Variants in CSMD2 observed in about 807,000 individuals in gnomAD.
CSMD2 encodes the protein CUB and Sushi multiple domains 2.
CSMD2 carries 130 observed loss-of-function variants against 398.5 expected under a neutral mutation model. The observed-to-expected ratio is 0.33, with a 90% CI of 0.28 to 0.38. The LOEUF (loss-of-function observed/expected upper bound fraction) is 0.38, where lower values mean the gene tolerates loss of function less well. CSMD2 is among the 10% of genes least tolerant of loss of function. The pLI, the probability that CSMD2 is intolerant of heterozygous loss-of-function variation, is 1.00. For missense variants in CSMD2, 3,829 were observed against 4,764.9 expected (o/e 0.80, Z 5.78); for synonymous variants, 1,828 against 1,908.5 (o/e 0.96, Z 1.10).
chr1:33,524,788 C>T, intron 66 of CSMD2, 94 bp downstream of exon 66: 1 of 1,300,424 alleles, frequency 7.7e-7, no homozygotes, highest in Non-Finnish European at 1.1e-6. Context: ...CTGAGCCTTG[C>T]ATGACAGTAT....
intron 44 of CSMD2, among the ~76,000 whole-genome samples, chr1:33,594,808 T>C (rs528825600): frequency 9.2e-5 from 14 of 152,358 alleles, no homozygotes; most frequent in African/African-American, 3.4e-4. Context: ...CGCTATTTTG[T>C]TTCTTTTCAG....
At chr1:34,066,665 C>T (rs1022823173) in intron 2 of CSMD2, among the ~76,000 whole-genome samples, 3 of 152,082 alleles carry the variant, frequency 2.0e-5, no homozygotes, top group African/African-American at 7.2e-5. Flanking sequence ...CTTGCCCTAG[C>T]CTAGGGAGGC....
chr1:33,682,372 T>A (rs1571210281), intron 25 of CSMD2, among the ~76,000 whole-genome samples: 1 of 152,312 alleles, frequency 6.6e-6, no homozygotes, highest in East Asian at 1.9e-4. Context: ...GTTCCACGCA[T>A]TGGAACCTCA....
At chr1:33,932,940 T>A (rs1052321577) in intron 4 of CSMD2, among the ~76,000 whole-genome samples, 6 of 152,118 alleles carry the variant, frequency 3.9e-5, no homozygotes, top group Non-Finnish European at 7.4e-5. Flanking sequence ...TGGAAGAGGC[T>A]GGAGAAAGAA....
chr1:34,031,225 G>C (rs188339556), intron 3 of CSMD2, among the ~76,000 whole-genome samples: 1 of 152,080 alleles, frequency 6.6e-6, no homozygotes, highest in African/African-American at 2.4e-5. Context: ...ACCATGCCCG[G>C]CTAATTTTTG....
chr1:34,006,850 C>T (rs1647072724), intron 3 of CSMD2, among the ~76,000 whole-genome samples: 1 of 151,994 alleles, frequency 6.6e-6, no homozygotes, highest in African/African-American at 2.4e-5. Context: ...ACAGTAAAGG[C>T]CCCCAAGGAG....
chr1:33,749,014 T>C (rs1369070426), intron 13 of CSMD2, among the ~76,000 whole-genome samples: 3 of 149,128 alleles, frequency 2.0e-5, no homozygotes, highest in African/African-American at 7.4e-5. Context: ...AAATCCATAA[T>C]CACTTAAAAA....
At chr1:34,141,532 T>C (rs930494208) in intron 1 of CSMD2, among the ~76,000 whole-genome samples, 2 of 152,160 alleles carry the variant, frequency 1.3e-5, no homozygotes, top group Non-Finnish European at 2.9e-5. Flanking sequence ...CTGGGCCTTG[T>C]GGCTACCCAG....
intron 52 of CSMD2, 91 bp from the exon 53 acceptor site, chr1:33,567,932 C>T (rs1659211105): frequency 2.8e-6 from 4 of 1,436,550 alleles, no homozygotes; most frequent in Non-Finnish European, 9.3e-7. Flanking sequence ...CTAGGAGTGA[C>T]TTCAGGAACC....
chr1:33,669,919 C>G (rs1419785640), intron 25 of CSMD2, among the ~76,000 whole-genome samples: 1 of 152,182 alleles, frequency 6.6e-6, no homozygotes, highest in Non-Finnish European at 1.5e-5. Flanking sequence ...TGGCAACCAC[C>G]AGAAGCTATG....
chr1:33,731,938 G>T (rs985812062), intron 15 of CSMD2, among the ~76,000 whole-genome samples: 3 of 152,168 alleles, frequency 2.0e-5, no homozygotes, highest in African/African-American at 7.2e-5. Context: ...GTGGTTGTGG[G>T]GGAATGGGTG....
At chr1:34,107,771 T>TGGGACAGAA (rs1660663298) in intron 1 of CSMD2, among the ~76,000 whole-genome samples, 1 of 152,232 alleles carries the variant, frequency 6.6e-6, no homozygotes, top group Admixed American at 6.5e-5. Flanking sequence ...CCTAGGCTTC[T>TGGGACAGAA]GTCCCATTGC....
intron 6 of CSMD2, among the ~76,000 whole-genome samples, chr1:33,837,848 G>T (rs1388880588): frequency 6.6e-6 from 1 of 152,240 alleles, no homozygotes; most frequent in African/African-American, 2.4e-5. Context: ...ACAGGAGACT[G>T]CCAGGCTGCT....
At chr1:34,014,693 AG>A (rs745943918) in intron 3 of CSMD2, among the ~76,000 whole-genome samples, 1 of 152,266 alleles carries the variant, frequency 6.6e-6, no homozygotes, top group Non-Finnish European at 1.5e-5. Context: ...CCCAAGGGCA[AG>A]GGCTGGTGCT....
At position 33,635,428 on chromosome 1, in the gene CSMD2, G is replaced by C; in HGVS notation, c.4970-98C>G. On this transcript the variant is annotated intron_variant, in intron 30 of 70. Transcript: ENST00000373381. The surrounding 1 kb of genome is among the most constrained non-coding windows in gnomAD (Gnocchi z 5.0). Reference sequence around the variant, plus strand: ...CCAGCCTGAGCTTCTGGCCCCAGTAGGGCTGCCCTGAGGTGGGCAGGCCCT... The same window carrying C: ...CCAGCCTGAGCTTCTGGCCCCAGTACGGCTGCCCTGAGGTGGGCAGGCCCT... The C allele has an allele frequency of 2.8e-6, 2 of 723,770 alleles. No individual in the cohort carries two copies. The highest frequency in any genetic ancestry group is 1.8e-5 in the African/African-American group (1 of 56,526). The allele number at this position is 723,770 out of a possible 1,614,324, so 44.8% of individuals were successfully genotyped here.
At chr1:33,586,949 T>A (rs1434274728) in intron 45 of CSMD2, 139 bp downstream of exon 45, 1 of 654,050 alleles carries the variant, frequency 1.5e-6, no homozygotes, top group African/African-American at 1.8e-5. Context: ...GGCAGAACCC[T>A]CTGGCACAGG....
At chr1:33,663,828 T>C (rs1644223012) in intron 25 of CSMD2, among the ~76,000 whole-genome samples, 2 of 152,188 alleles carry the variant, frequency 1.3e-5, no homozygotes, top group African/African-American at 4.8e-5. Flanking sequence ...TTAATTAATT[T>C]TTTTTATTAT....
chr1:34,001,742 A>AC (rs1646910079), intron 3 of CSMD2, among the ~76,000 whole-genome samples: 1 of 152,216 alleles, frequency 6.6e-6, no homozygotes, highest in South Asian at 2.1e-4. Flanking sequence ...CTAAGATTAC[A>AC]CAACCCTGAG....
At chr1:34,010,606 GATT>G (rs1349996020) in intron 3 of CSMD2, among the ~76,000 whole-genome samples, 1 of 150,360 alleles carries the variant, frequency 6.7e-6, no homozygotes, top group Admixed American at 6.6e-5. Flanking sequence ...TGACTCTCTT[GATT>G]TTTTTTTTCT....
Sources: gnomAD v4.1 joint callset for allele counts (sites outside exome capture counted in the v4.1 genomes callset) on GRCh38, gnomAD v4.1.1 for gene constraint, Gnocchi (gnomAD v3.1) non-coding constraint, MANE v1.5 for transcripts, NCBI Gene and HGNC (gene_info 2026-07-23, HGNC 2026-07-21) for gene names.